GLIS1: variants seen among roughly 807,000 people sequenced by gnomAD.
The protein encoded by GLIS1 is GLIS family zinc finger 1, also known as zinc finger protein GLIS1.
Under a neutral mutation model 63.8 loss-of-function variants are expected in GLIS1, and 24 were observed. The ratio of observed to expected loss-of-function variants is 0.38; its 90% CI spans 0.27 to 0.53. The LOEUF (loss-of-function observed/expected upper bound fraction) is 0.53, where lower values mean the gene tolerates loss of function less well. GLIS1 is among the 20% of genes least tolerant of loss of function. GLIS1 has a pLI of 0.85. For synonymous variants in GLIS1, 450 were observed against 482.5 expected, an observed-to-expected ratio of 0.93 and a Z score of 0.88; for missense variants, 1,036 against 1,074.1, an observed-to-expected ratio of 0.96 and a Z score of 0.50.
At chr1:53,565,833 AACTC>A (rs1341027128) in intron 4 of GLIS1, among the ~76,000 whole-genome samples, 1 of 152,144 alleles carries the variant, frequency 6.6e-6, no homozygotes, top group Non-Finnish European at 1.5e-5. Context: ...GATACTCCCA[AACTC>A]ACTCCATAAG....
chr1:53,657,199 T>C (rs1036287957), intron 2 of GLIS1, among the ~76,000 whole-genome samples: 1 of 152,156 alleles, frequency 6.6e-6, no homozygotes, highest in Non-Finnish European at 1.5e-5. Context: ...CATATGCTAA[T>C]AAGCTAGAGG....
intron 2 of GLIS1, among the ~76,000 whole-genome samples, chr1:53,643,507 G>A (rs994859253): frequency 2.0e-5 from 3 of 152,160 alleles, no homozygotes; most frequent in Non-Finnish European, 4.4e-5. Context: ...GTCCATCTGG[G>A]CCTCAGTCTC....
chr1:53,681,576 T>C (rs1646275570), intron 2 of GLIS1, among the ~76,000 whole-genome samples: 1 of 152,258 alleles, frequency 6.6e-6, no homozygotes, highest in Non-Finnish European at 1.5e-5. Context: ...AGCATTCATA[T>C]TCTCTCTGCT....
At chr1:53,582,911 G>T (rs1413766851) in intron 4 of GLIS1, among the ~76,000 whole-genome samples, 1 of 152,218 alleles carries the variant, frequency 6.6e-6, no homozygotes, top group Non-Finnish European at 1.5e-5. Flanking sequence ...GCAGGTAGAA[G>T]GGGTACTGGG....
intron 2 of GLIS1, among the ~76,000 whole-genome samples, chr1:53,635,548 A>T (rs1645714516): frequency 8.4e-6 from 1 of 118,770 alleles, no homozygotes; most frequent in Non-Finnish European, 2.0e-5. Context: ...ACAAGATGTT[A>T]AAAAAAAAAA....
intron 4 of GLIS1, among the ~76,000 whole-genome samples, chr1:53,533,258 C>T (rs1000721646): frequency 2.0e-5 from 3 of 152,192 alleles, no homozygotes; most frequent in African/African-American, 7.2e-5. Context: ...CAGCCATGGC[C>T]TTCTCCCCAT....
At chr1:53,721,252 G>C (rs1286688368) in intron 2 of GLIS1, among the ~76,000 whole-genome samples, 2 of 152,050 alleles carry the variant, frequency 1.3e-5, no homozygotes, top group Non-Finnish European at 2.9e-5. Flanking sequence ...ATTTAGGGTG[G>C]CCTAATCCCA....
intron 4 of GLIS1, among the ~76,000 whole-genome samples, chr1:53,554,813 C>T (rs1644800290): frequency 6.6e-6 from 1 of 152,230 alleles, no homozygotes; most frequent in African/African-American, 2.4e-5. Context: ...AGAACAGCTG[C>T]CCTGCCCTCG....
chr1:53,617,475 G>A (rs1210589386), intron 2 of GLIS1, among the ~76,000 whole-genome samples: 2 of 152,226 alleles, frequency 1.3e-5, no homozygotes, highest in Non-Finnish European at 2.9e-5. Flanking sequence ...GCTGTGTTTT[G>A]TTTGGGAGCT....
At chr1:53,551,398 T>C (rs1046569022) in intron 4 of GLIS1, among the ~76,000 whole-genome samples, 2 of 152,206 alleles carry the variant, frequency 1.3e-5, no homozygotes, top group African/African-American at 2.4e-5. Context: ...ATGCCCGGGA[T>C]GGAGGCCTTA....
At chr1:53,734,322 G>C in intron 2 of GLIS1, 3 of 401,466 alleles carry the variant, frequency 7.5e-6, no homozygotes, top group Non-Finnish European at 1.0e-5. Flanking sequence ...TCTAACTATG[G>C]CATAGATACT....
intron 4 of GLIS1, among the ~76,000 whole-genome samples, chr1:53,579,577 G>A (rs867516061): frequency 2.0e-5 from 3 of 152,228 alleles, no homozygotes; most frequent in South Asian, 2.1e-4. Context: ...CCAACCTCCC[G>A]ACAGAGGTGC....
At chr1:53,693,113 C>A (rs1332397853) in intron 2 of GLIS1, among the ~76,000 whole-genome samples, 2 of 152,344 alleles carry the variant, frequency 1.3e-5, no homozygotes, top group East Asian at 3.9e-4. Flanking sequence ...AAAGTACATT[C>A]CACTCTGCAG....
chr1:53,616,169 A>G (rs1645480622), intron 2 of GLIS1, among the ~76,000 whole-genome samples: 1 of 152,186 alleles, frequency 6.6e-6, no homozygotes, highest in South Asian at 2.1e-4. Context: ...TCTGATCCCA[A>G]GGCTGCCATT....
rs771848879 is a variant in GLIS1 at position 53,524,898 on chromosome 1, G to A, written c.1483-11C>T. The stretch of plus-strand genomic sequence containing the variant: ...ACAGGCGTACGGCTTCTGTAACATG[G>A]GGGGCACGGGTGGGGTGAGTGAGGC... On this transcript the variant is annotated splice_polypyrimidine_tract_variant and intron_variant, in intron 5 of 10. Transcript: ENST00000628545. 6.2e-7 allele frequency: 1 copy of A among 1,602,860 alleles called. No homozygotes were observed. Among genetic ancestry groups the A allele is most frequent in the Non-Finnish European group, 8.5e-7 (1 of 1,170,990 alleles).
intron 2 of GLIS1, among the ~76,000 whole-genome samples, chr1:53,634,899 G>A (rs570324370): frequency 2.6e-5 from 4 of 152,144 alleles, no homozygotes; most frequent in East Asian, 1.9e-4. Flanking sequence ...GCTCCCCACC[G>A]CCTTCCATCC....
At chr1:53,654,723 G>A (rs1450130197) in intron 2 of GLIS1, among the ~76,000 whole-genome samples, 1 of 152,206 alleles carries the variant, frequency 6.6e-6, no homozygotes, top group African/African-American at 2.4e-5. Flanking sequence ...TCCCAGGACT[G>A]AGGCGACTGC....
rs1257149250 is a variant in GLIS1 at position 53,526,091 on chromosome 1, C to G, written c.1483-1204G>C. ...CCCTTTGCGGACACGTCTAGTGCTT[C>G]CGCTCTCTTAGAAGCCTCTGCCCTG... On this transcript the variant is annotated intron_variant, in intron 5 of 10. Coordinates refer to ENST00000628545, the MANE Select transcript of GLIS1 (RefSeq NM_001367484.1). The surrounding 1 kb of genome is among the most constrained non-coding windows in gnomAD (Gnocchi z 4.4). Among the ~76,000 whole-genome samples the G allele has an allele frequency of 6.6e-6, 1 of 152,192 alleles. No individual in the cohort carries two copies. The highest frequency in any genetic ancestry group is 1.5e-5 in the Non-Finnish European group (1 of 68,034).
At chr1:53,588,702 C>G (rs1421830663) in intron 4 of GLIS1, among the ~76,000 whole-genome samples, 1 of 152,166 alleles carries the variant, frequency 6.6e-6, no homozygotes, top group Admixed American at 6.5e-5. Flanking sequence ...AGCAGATGCA[C>G]AGGGACTCCA....
Sources: gnomAD v4.1 joint callset for allele counts (sites outside exome capture counted in the v4.1 genomes callset) on GRCh38, gnomAD v4.1.1 for gene constraint, Gnocchi (gnomAD v3.1) non-coding constraint, MANE v1.5 for transcripts, NCBI Gene and HGNC (gene_info 2026-07-23, HGNC 2026-07-21) for gene names.